Variants in SMIM20 observed in about 807,000 individuals in gnomAD.
The protein encoded by SMIM20 is mitochondrial translation regulation assembly intermediate of cytochrome c oxidase protein of 7 kDa.
A neutral mutation model predicts 8.7 loss-of-function variants in SMIM20; 3 were observed. The observed-to-expected ratio is 0.34, with a 90% confidence interval of 0.16 to 0.89. SMIM20 has a LOEUF of 0.89. Among genes scored for constraint, SMIM20 ranks in the 40% least tolerant of loss-of-function variants. The pLI is 0.49. For missense variants in SMIM20, 85 were observed against 84.8 expected (o/e 1.00, Z -0.01); for synonymous variants, 44 against 33.6 (o/e 1.31, Z -1.07).
Position 25,914,231 on chromosome 4 carries a change from G to A in SMIM20, c.-83G>A. The A allele has an allele frequency of 6.7e-7, 1 of 1,502,278 alleles. No individual in the cohort carries two copies. Among genetic ancestry groups the A allele is most frequent in the South Asian group, 1.3e-5 (1 of 79,124 alleles). 93.1% of individuals were successfully genotyped at this position (1,502,278 alleles called of 1,614,324 possible). On this transcript the variant is annotated 5_prime_UTR_variant, in exon 1 of 3. Coordinates refer to ENST00000506197, the MANE Select transcript of SMIM20 (RefSeq NM_001145432.3). ...GAAAGCCTCTCCACCTCTTCCGAGC[G>A]GGGTCACGGCCCGGCCGTCGGTAAC...
intron 1 of SMIM20, among the ~76,000 whole-genome samples, chr4:25,918,701 C>T (rs1047993177): frequency 6.6e-5 from 10 of 151,506 alleles, no homozygotes; most frequent in East Asian, 2.0e-4. Flanking sequence ...TTACTAGAGA[C>T]GGGGTTTCAC....
At chr4:25,917,327 G>C (rs1321284759) in intron 1 of SMIM20, among the ~76,000 whole-genome samples, 1 of 151,958 alleles carries the variant, frequency 6.6e-6, no homozygotes, top group Admixed American at 6.6e-5. Context: ...TGAATTTACA[G>C]GGTTTGGGGT....
At chr4:25,923,017 G>A (rs971305940) in intron 1 of SMIM20, among the ~76,000 whole-genome samples, 9 of 152,182 alleles carry the variant, frequency 5.9e-5, no homozygotes, top group South Asian at 2.1e-4. Context: ...CAGTTCTTTC[G>A]TTAACTTAGC....
At chr4:25,928,880 G>T (rs778247376) in intron 2 of SMIM20, among the ~76,000 whole-genome samples, 2 of 152,162 alleles carry the variant, frequency 1.3e-5, no homozygotes, top group African/African-American at 2.4e-5. Flanking sequence ...ATAATCTGTG[G>T]CAACATTCTT....
intron 1 of SMIM20, among the ~76,000 whole-genome samples, chr4:25,923,708 T>C (rs1469516797): frequency 6.6e-6 from 1 of 152,250 alleles, no homozygotes; most frequent in African/African-American, 2.4e-5. Flanking sequence ...AGGCTATGCC[T>C]AGGCAGCACA....
chr4:25,927,000 A>G (rs1711528275), intron 1 of SMIM20, among the ~76,000 whole-genome samples: 1 of 152,198 alleles, frequency 6.6e-6, no homozygotes, highest in Admixed American at 6.5e-5. Flanking sequence ...ATGTCTTAAG[A>G]AATGAGGACA....
chr4:25,924,020 C>T (rs777724372), intron 1 of SMIM20, among the ~76,000 whole-genome samples: 2 of 152,024 alleles, frequency 1.3e-5, no homozygotes, highest in South Asian at 2.1e-4. Flanking sequence ...GCTTCCCCTC[C>T]GTCCCTGGTT....
At chr4:25,926,917 G>T (rs893764296) in intron 1 of SMIM20, among the ~76,000 whole-genome samples, 1 of 152,166 alleles carries the variant, frequency 6.6e-6, no homozygotes, top group East Asian at 1.9e-4. Flanking sequence ...TCTTCCAAGA[G>T]CATGTTCGAG....
chr4:25,917,090 ATTAC>A (rs1181859580), intron 1 of SMIM20, among the ~76,000 whole-genome samples: 1 of 152,132 alleles, frequency 6.6e-6, no homozygotes, highest in Non-Finnish European at 1.5e-5. Context: ...AAACAGTTAA[ATTAC>A]TTACACAAGG....
At chr4:25,928,288 A>G (rs1220297393) in intron 1 of SMIM20, 25 bp from the exon 2 acceptor site, 12 of 1,548,108 alleles carry the variant, frequency 7.8e-6, no homozygotes, top group Middle Eastern at 1.7e-4. Flanking sequence ...CTTCTAAAGA[A>G]TGATTTTTCT....
intron 1 of SMIM20, among the ~76,000 whole-genome samples, chr4:25,926,837 T>C (rs1454646951): frequency 6.6e-6 from 1 of 152,230 alleles, no homozygotes; most frequent in African/African-American, 2.4e-5. Context: ...ACCTTTTAGT[T>C]AGATACAGAA....
chr4:25,918,320 T>G (rs1205035795), intron 1 of SMIM20, among the ~76,000 whole-genome samples: 1 of 152,178 alleles, frequency 6.6e-6, no homozygotes, highest in African/African-American at 2.4e-5. Flanking sequence ...TCTGTATCTG[T>G]GTATGTTAAT....
intron 1 of SMIM20, among the ~76,000 whole-genome samples, chr4:25,918,108 A>G (rs1156800534): frequency 6.6e-6 from 1 of 151,886 alleles, no homozygotes; most frequent in Non-Finnish European, 1.5e-5. Context: ...ACGCCCGGCT[A>G]ATTTTTTGTA....
intron 1 of SMIM20, among the ~76,000 whole-genome samples, chr4:25,922,286 G>A (rs1165023058): frequency 9.9e-5 from 15 of 152,156 alleles, no homozygotes; most frequent in Admixed American, 9.8e-4. Context: ...CGTAGAGTGG[G>A]AGGTGACATG....
At chr4:25,928,117 GA>G in intron 1 of SMIM20, 195 bp from the exon 2 acceptor site, 1 of 423,910 alleles carries the variant, frequency 2.4e-6, no homozygotes, top group Admixed American at 4.4e-5. Context: ...TTATTCTTTT[GA>G]AAATACCCAA....
At chr4:25,919,977 C>T (rs1719168915) in intron 1 of SMIM20, among the ~76,000 whole-genome samples, 1 of 152,226 alleles carries the variant, frequency 6.6e-6, no homozygotes, top group South Asian at 2.1e-4. Flanking sequence ...TCACTCCTTT[C>T]TAGCTTCAGT....
At chr4:25,917,600 T>C (rs1431389350) in intron 1 of SMIM20, among the ~76,000 whole-genome samples, 1 of 152,200 alleles carries the variant, frequency 6.6e-6, no homozygotes, top group Non-Finnish European at 1.5e-5. Flanking sequence ...CTCTCTTTTT[T>C]AGAAGAAACC....
At chr4:25,922,949 G>A (rs1312578442) in intron 1 of SMIM20, among the ~76,000 whole-genome samples, 1 of 152,238 alleles carries the variant, frequency 6.6e-6, no homozygotes, top group East Asian at 1.9e-4. Flanking sequence ...TGCAGAGCAG[G>A]CAGCCACTAT....
chr4:25,928,300 T>C lies in SMIM20; in HGVS notation c.110-13T>C. 6.5e-7 allele frequency: 1 copy of C among 1,550,218 alleles called. No homozygotes were observed. Among genetic ancestry groups the C allele is most frequent in the Non-Finnish European group, 8.7e-7 (1 of 1,146,472 alleles). On this transcript the variant is annotated splice_polypyrimidine_tract_variant and intron_variant, in intron 1 of 2. Coordinates refer to ENST00000506197, the MANE Select transcript of SMIM20 (RefSeq NM_001145432.3). Reference sequence around the variant, plus strand: ...CCCCTTCTAAAGAATGATTTTTCTCTTATGTTTCTCAGAGAAGGAACAAGC... The same window carrying C: ...CCCCTTCTAAAGAATGATTTTTCTCCTATGTTTCTCAGAGAAGGAACAAGC...
Sources: allele counts gnomAD v4.1 joint callset (sites outside exome capture counted in the v4.1 genomes callset), GRCh38; gene constraint gnomAD v4.1.1; transcripts MANE v1.5; gene names NCBI Gene and HGNC (gene_info 2026-07-23, HGNC 2026-07-21).